The following STN1 variants were observed in gnomAD, a reference collection of about 807,000 sequenced individuals.
The protein encoded by STN1 is STN1 subunit of CST complex.
A neutral mutation model predicts 45.5 loss-of-function variants in STN1; 29 were observed. That is an observed-to-expected ratio of 0.64 (90% confidence interval 0.47 to 0.87). The LOEUF (loss-of-function observed/expected upper bound fraction) is 0.87, where lower values mean the gene tolerates loss of function less well. STN1 is among the 40% of genes least tolerant of loss of function. The probability of loss-of-function intolerance (pLI) is 0.00; values close to 1 mark genes in which losing one functional copy is unlikely to be tolerated. For missense variants in STN1, 376 were observed against 441.4 expected, an observed-to-expected ratio of 0.85 and a Z score of 1.33; for synonymous variants, 148 against 159.0, an observed-to-expected ratio of 0.93 and a Z score of 0.52.
At chr10:103,909,958 T>C (rs1843279111) in intron 3 of STN1, among the ~76,000 whole-genome samples, 1 of 152,220 alleles carries the variant, frequency 6.6e-6, no homozygotes, top group African/African-American at 2.4e-5. Context: ...AAAATCACAT[T>C]TGAGCAATTC....
At chr10:103,904,119 A>G (rs1444161353) in intron 4 of STN1, among the ~76,000 whole-genome samples, 1 of 152,190 alleles carries the variant, frequency 6.6e-6, no homozygotes, top group Non-Finnish European at 1.5e-5. Flanking sequence ...CTTACCATAC[A>G]TAATGCAAGT....
chr10:103,914,216 T>G, intron 2 of STN1, among the ~76,000 whole-genome samples: 1 of 151,594 alleles, frequency 6.6e-6, no homozygotes, highest in East Asian at 1.9e-4. Context: ...ATAAGTATTA[T>G]ATGCTGATTT....
At chr10:103,892,314 C>A in intron 7 of STN1, 62 bp from the exon 8 acceptor site, 6 of 1,478,216 alleles carry the variant, frequency 4.1e-6, no homozygotes, top group Non-Finnish European at 5.4e-6. Context: ...CACCTGAGAA[C>A]AACTCCTAGA....
chr10:103,916,051 A>C (rs1415362531), intron 2 of STN1, among the ~76,000 whole-genome samples: 5 of 152,172 alleles, frequency 3.3e-5, no homozygotes. Context: ...ATGTACCAGT[A>C]GTGGTCTGTG....
intron 3 of STN1, 35 bp from the exon 4 acceptor site, chr10:103,905,191 T>A: frequency 6.3e-7 from 1 of 1,586,162 alleles, no homozygotes; most frequent in Non-Finnish European, 8.7e-7. Context: ...TAAGAGAGAT[T>A]TGGGCAAGGC....
intron 2 of STN1, among the ~76,000 whole-genome samples, chr10:103,912,074 AG>A (rs1843295753): frequency 6.6e-6 from 1 of 152,088 alleles, no homozygotes; most frequent in African/African-American, 2.4e-5. Flanking sequence ...TGCAGGCATG[AG>A]CTGAAGATGG....
chr10:103,878,887 G>C lies in STN1; in HGVS notation c.*3797C>G, dbSNP rs1843048253. 6.6e-6 allele frequency: 1 copy of C among 152,552 alleles called. No homozygotes were observed. The allele number at this position is 152,552 out of a possible 1,614,324, so 9.4% of individuals were successfully genotyped here. ...AAAGGGGAGCGGGGAAGTAAGGCAG[G>C]GAGGGTGAGGCTGGTGGTTATCAGG... is the stretch of plus-strand genomic sequence containing the variant. On this transcript the variant is annotated 3_prime_UTR_variant, in exon 10 of 10. Transcript: ENST00000224950.
intron 8 of STN1, among the ~76,000 whole-genome samples, chr10:103,891,227 C>T (rs971047960): frequency 1.3e-5 from 2 of 152,122 alleles, no homozygotes; most frequent in Admixed American, 6.5e-5. Flanking sequence ...GTTAGAAATA[C>T]CCTAAGTACC....
At chr10:103,888,369 G>C (rs768581721) in intron 9 of STN1, among the ~76,000 whole-genome samples, 2 of 152,156 alleles carry the variant, frequency 1.3e-5, no homozygotes, top group Non-Finnish European at 2.9e-5. Context: ...TTGAAAAGTC[G>C]CCTTTAAGAC....
chr10:103,882,541 A>G lies in STN1; in HGVS notation c.*143T>C, dbSNP rs1189014547. On this transcript the variant is annotated 3_prime_UTR_variant, in exon 10 of 10. Coordinates refer to ENST00000224950, the MANE Select transcript of STN1 (RefSeq NM_024928.5). ...GCCAACAACATTTATGCCAAATCCC[A>G]TTCCCAAGATGACTATATTTTATAG... The G allele has an allele frequency of 1.2e-6, 1 of 820,836 alleles. No homozygotes were observed. The allele number at this position is 820,836 out of a possible 1,614,324, so 50.8% of individuals were successfully genotyped here. A position where few individuals can be genotyped will look rare whatever the true frequency, so the allele number is the denominator to read the frequency against.
Position 103,890,661 on chromosome 10 carries a change from T to A in STN1, c.876+1469A>T, listed in dbSNP as rs563732405. 3.3e-5 allele frequency among the ~76,000 whole-genome samples: 5 copies of A among 152,298 alleles called. No homozygotes were observed. In the East Asian group the frequency reaches 7.7e-4, roughly 24 times the overall value. ...CGGCCTTCCCATGCCAGGACTCCCA[T>A]CCTGGGACGGTGTGGGAGGCACTCG... On this transcript the variant is annotated intron_variant, in intron 8 of 9. Coordinates refer to ENST00000224950, the MANE Select transcript of STN1 (RefSeq NM_024928.5).
intron 3 of STN1, among the ~76,000 whole-genome samples, chr10:103,906,291 A>G (rs1843240460): frequency 6.6e-6 from 1 of 152,242 alleles, no homozygotes. Flanking sequence ...AGAAAGTCTG[A>G]TAAGTCTAAC....
Position 103,897,709 on chromosome 10 carries a change from C to T in STN1, c.592G>A (p.Ala198Thr), listed in dbSNP as rs139991163. 129 of 1,613,960 alleles carry T rather than the reference C, an allele frequency of 8.0e-5. No individual in the cohort carries two copies. Among genetic ancestry groups the T allele is most frequent in the Non-Finnish European group, 1.0e-4 (121 of 1,179,976 alleles). The stretch of plus-strand genomic sequence containing the variant: ...CTCGTGAGACTGGGGAGGTCCAGGG[C>T]GCCTGGATTGCTGCGGAGGGAAAGT... ...EKEEALSNPG[A>T]LDLPSLTSLL... The change falls in exon 7 of 10, where the codon GCC (alanine) becomes ACC (threonine). Residue 198 changes from alanine (A) to threonine (T), a missense_variant. By Grantham distance (58) the Ala-to-Thr change is moderately conservative. Transcript: ENST00000224950.
intron 9 of STN1, among the ~76,000 whole-genome samples, chr10:103,884,533 C>T (rs1204204540): frequency 1.3e-5 from 2 of 152,144 alleles, no homozygotes; most frequent in African/African-American, 4.8e-5. Flanking sequence ...AAACCCTCTC[C>T]AGTTGTCACA....
At chr10:103,896,892 C>CT (rs1843174601) in intron 7 of STN1, among the ~76,000 whole-genome samples, 1 of 152,024 alleles carries the variant, frequency 6.6e-6, no homozygotes. Flanking sequence ...TAATAATAGT[C>CT]TAAGGTCCAT....
Position 103,900,619 on chromosome 10 carries a change from G to C in STN1, c.296-396C>G, listed in dbSNP as rs190462021. Among the ~76,000 whole-genome samples the C allele has an allele frequency of 5.7e-3, 864 of 152,158 alleles. 10 individuals are homozygous for C. The highest frequency in any genetic ancestry group is 0.034 in the South Asian group (166 of 4,820). On this transcript the variant is annotated intron_variant, in intron 4 of 9. Transcript: ENST00000224950. ...AACCTTTCAAATGTCCTTGCGAGGA[G>C]ACTTGTCCCATCTGAGTGCTCAACA... is the stretch of plus-strand genomic sequence containing the variant.
chr10:103,914,353 T>TAC (rs1436843699), intron 2 of STN1, among the ~76,000 whole-genome samples: 840 of 21,350 alleles, frequency 0.039, 36 homozygotes, highest in African/African-American at 0.092. Context: ...TATATATATA[T>TAC]ATATATATAT....
chr10:103,915,559 A>C (rs1843325561), intron 2 of STN1, among the ~76,000 whole-genome samples: 1 of 152,136 alleles, frequency 6.6e-6, no homozygotes, highest in Admixed American at 6.5e-5. Flanking sequence ...CACACAACAC[A>C]TTCATTTCAT....
intron 2 of STN1, among the ~76,000 whole-genome samples, chr10:103,915,023 A>G (rs188848568): frequency 1.3e-5 from 2 of 152,342 alleles, no homozygotes; most frequent in South Asian, 2.1e-4. Context: ...GGACTCAGGA[A>G]GGTGCTATAC....
Sources: allele counts gnomAD v4.1 joint callset (sites outside exome capture counted in the v4.1 genomes callset), GRCh38; gene constraint gnomAD v4.1.1; transcripts MANE v1.5; gene names NCBI Gene and HGNC (gene_info 2026-07-23, HGNC 2026-07-21).